The following AGO4 variants were observed in gnomAD, a reference collection of about 807,000 sequenced individuals.
AGO4 encodes protein argonaute-4.
AGO4 carries 33 observed loss-of-function variants against 104.7 expected under a neutral mutation model. The observed-to-expected ratio is 0.32, with a 90% CI of 0.24 to 0.42. The LOEUF is 0.42. Ranked by LOEUF, AGO4 falls within the 10% of genes least tolerant of loss-of-function variation. The pLI, the probability that AGO4 is intolerant of heterozygous loss-of-function variation, is 1.00. For synonymous variants in AGO4, 331 were observed against 364.7 expected, an observed-to-expected ratio of 0.91 and a Z score of 1.05; for missense variants, 711 against 1,083.4, an observed-to-expected ratio of 0.66 and a Z score of 4.83.
At chr1:35,832,218 C>A in intron 10 of AGO4, 33 bp downstream of exon 10, 1 of 1,605,148 alleles carries the variant, frequency 6.2e-7, no homozygotes, top group Non-Finnish European at 8.5e-7. Context: ...CAAGCTTCTT[C>A]CACAACCAGT....
chr1:35,847,265 G>A (rs1404703263), intron 15 of AGO4, among the ~76,000 whole-genome samples: 2 of 148,248 alleles, frequency 1.3e-5, no homozygotes, highest in East Asian at 3.9e-4. Flanking sequence ...ACTGAGTCTC[G>A]CTCTGTTACC....
Position 35,822,847 on chromosome 1 carries a change from T to C in AGO4, c.186-15T>C. ...TTTCTGAAAGCTAACTGCCATTATC[T>C]CCATTACTGTGAAGGGAGGTAGTAG... On this transcript the variant is annotated splice_polypyrimidine_tract_variant and intron_variant, in intron 2 of 17. Coordinates refer to ENST00000373210, the MANE Select transcript of AGO4 (RefSeq NM_017629.4). 1 of 1,613,672 alleles carries C rather than the reference T, an allele frequency of 6.2e-7. No individual in the cohort carries two copies. Among genetic ancestry groups the C allele is most frequent in the Non-Finnish European group, 8.5e-7 (1 of 1,179,734 alleles).
intron 1 of AGO4, among the ~76,000 whole-genome samples, chr1:35,814,293 A>T (rs1409701953): frequency 6.6e-6 from 1 of 152,184 alleles, no homozygotes. Flanking sequence ...GAAGATTAAT[A>T]GGAGGTTCAT....
At chr1:35,825,192 A>G (rs1036193778) in intron 3 of AGO4, 121 bp from the exon 4 acceptor site, 1 of 1,005,644 alleles carries the variant, frequency 9.9e-7, no homozygotes, top group East Asian at 2.4e-5. Flanking sequence ...CCAATGTTAC[A>G]CAATTGTAAA....
chr1:35,826,124 C>T, intron 6 of AGO4, 64 bp downstream of exon 6: 1 of 1,589,742 alleles, frequency 6.3e-7, no homozygotes, highest in Non-Finnish European at 8.5e-7. Flanking sequence ...TGCCTGTGCT[C>T]TGGAGTCACA....
At position 35,825,432 on chromosome 1, in the gene AGO4, T is replaced by G. The variant is rs1234185395; in HGVS notation, c.426T>G (p.Asn142Lys). Residue 142 changes from asparagine (N) to lysine (K), a missense_variant, in exon 4 of 18, where the codon AAT becomes AAG. Transcript: ENST00000373210. ...LLLEALAGHLNEVPDDSVQAL... is the reference protein window; with the variant it reads ...LLLEALAGHLKEVPDDSVQAL... ...TAGAAGCTTTGGCTGGGCACTTGAATGAAGTCCCAGATGACTCAGTACAAG... is the reference window on the plus strand; with the variant it reads ...TAGAAGCTTTGGCTGGGCACTTGAAGGAAGTCCCAGATGACTCAGTACAAG... 2 of 1,614,206 alleles carry G rather than the reference T, an allele frequency of 1.2e-6. No homozygotes were observed. The highest frequency in any genetic ancestry group is 3.3e-5 in the Admixed American group (2 of 60,012).
At chr1:35,812,928 G>A (rs1397137724) in intron 1 of AGO4, among the ~76,000 whole-genome samples, 1 of 152,100 alleles carries the variant, frequency 6.6e-6, no homozygotes, top group East Asian at 1.9e-4. Context: ...GATTGCTTAA[G>A]TGTATCTTGA....
At chr1:35,812,162 C>T (rs955042593) in intron 1 of AGO4, among the ~76,000 whole-genome samples, 1 of 143,338 alleles carries the variant, frequency 7.0e-6, no homozygotes, top group South Asian at 2.2e-4. Flanking sequence ...CAGAGCTGTA[C>T]AAATAAATTT....
chr1:35,851,286 G>A, intron 17 of AGO4: 1 of 541,396 alleles, frequency 1.8e-6, no homozygotes, highest in African/African-American at 1.9e-5. Context: ...GGAGCTGCTT[G>A]TGGTTCTCCC....
At chr1:35,820,808 C>A (rs191276538) in intron 2 of AGO4, among the ~76,000 whole-genome samples, 2 of 152,158 alleles carry the variant, frequency 1.3e-5, no homozygotes, top group East Asian at 3.9e-4. Flanking sequence ...AGTACAAAGG[C>A]TTATTGTGGG....
At chr1:35,823,252 A>ATT (rs1175171016) in intron 3 of AGO4, among the ~76,000 whole-genome samples, 7 of 141,620 alleles carry the variant, frequency 4.9e-5, no homozygotes, top group African/African-American at 5.2e-5. Context: ...ATTCTTAGAA[A>ATT]TTTTTTTTTT....
chr1:35,848,637 GT>G (rs369289816), intron 15 of AGO4, among the ~76,000 whole-genome samples: 1,478 of 140,918 alleles, frequency 0.01, 20 homozygotes, highest in African/African-American at 0.032. Context: ...GAACCAGAGA[GT>G]TTTTTTTTTT....
chr1:35,827,065 G>A (rs1297275165), intron 7 of AGO4, among the ~76,000 whole-genome samples: 1 of 151,872 alleles, frequency 6.6e-6, no homozygotes, highest in Non-Finnish European at 1.5e-5. Context: ...AGCTGGGCGT[G>A]GTGGCGGGTA....
intron 6 of AGO4, 86 bp from the exon 7 acceptor site, chr1:35,826,662 A>G (rs1249453123): frequency 1.7e-6 from 2 of 1,187,260 alleles, no homozygotes; most frequent in African/African-American, 1.5e-5. Flanking sequence ...GTACAATGTC[A>G]TGACATTTTG....
intron 15 of AGO4, among the ~76,000 whole-genome samples, chr1:35,848,562 G>A (rs879838226): frequency 5.3e-4 from 81 of 151,702 alleles, no homozygotes; most frequent in Non-Finnish European, 1.0e-3. Context: ...AGCAATAACT[G>A]GTGAATTGAA....
intron 15 of AGO4, among the ~76,000 whole-genome samples, chr1:35,844,061 G>A (rs1465224910): frequency 6.6e-6 from 1 of 151,954 alleles, no homozygotes; most frequent in Admixed American, 6.6e-5. Flanking sequence ...TTTGGAACAG[G>A]GTCTCATCTC....
intron 15 of AGO4, among the ~76,000 whole-genome samples, chr1:35,845,212 TGA>T (rs778277930): frequency 2.8e-5 from 1 of 35,908 alleles, no homozygotes; most frequent in Non-Finnish European, 6.4e-5. Flanking sequence ...TTTTTTTTTT[TGA>T]AATGGAGTTT....
intron 1 of AGO4, among the ~76,000 whole-genome samples, chr1:35,812,850 C>T (rs1643554206): frequency 6.6e-6 from 1 of 152,202 alleles, no homozygotes; most frequent in South Asian, 2.1e-4. Flanking sequence ...CTTCAGCCTT[C>T]CAAAGTGCTG....
intron 13 of AGO4, among the ~76,000 whole-genome samples, chr1:35,839,240 C>T (rs1308045507): frequency 6.6e-6 from 1 of 152,174 alleles, no homozygotes; most frequent in African/African-American, 2.4e-5. Flanking sequence ...CTCAGCCTCC[C>T]AACACAGTTC....
Sources: gnomAD v4.1 joint callset for allele counts (sites outside exome capture counted in the v4.1 genomes callset) on GRCh38, gnomAD v4.1.1 for gene constraint, MANE v1.5 for transcripts, NCBI Gene and HGNC (gene_info 2026-07-23, HGNC 2026-07-21) for gene names.